The following NMNAT2 variants were observed in gnomAD, a reference collection of about 807,000 sequenced individuals.
NMNAT2 encodes nicotinamide/nicotinic acid mononucleotide adenylyltransferase 2.
In NMNAT2, 11 loss-of-function variants were observed where a neutral mutation model predicts 41.6. That is an observed-to-expected ratio of 0.26 (90% CI 0.17 to 0.44). The LOEUF (loss-of-function observed/expected upper bound fraction) is 0.44. Ranked by LOEUF, NMNAT2 falls within the 20% of genes least tolerant of loss-of-function variation. The probability of loss-of-function intolerance (pLI) is 1.00; values close to 1 mark genes in which losing one functional copy is unlikely to be tolerated. For synonymous variants in NMNAT2, 148 were observed against 151.2 expected (o/e 0.98, Z 0.16); for missense variants, 288 against 407.7 (o/e 0.71, Z 2.53).
chr1:183,259,693 G>A (rs996869465), intron 10 of NMNAT2, among the ~76,000 whole-genome samples: 10 of 152,148 alleles, frequency 6.6e-5, no homozygotes, highest in South Asian at 2.1e-4. Flanking sequence ...TCTGCCTCCC[G>A]GGTTCAAGCA....
Position 183,373,758 on chromosome 1 carries a change from C to T in NMNAT2, c.85+44425G>A, listed in dbSNP as rs145992898. 1.1e-4 allele frequency among the ~76,000 whole-genome samples: 16 copies of T among 152,080 alleles called. No individual in the cohort carries two copies. In the East Asian group the frequency reaches 2.9e-3, roughly 28 times the overall value. The stretch of plus-strand genomic sequence containing the variant: ...TCAGCCTCCAAAGTAGCTGGGACTA[C>T]AGGCACACGCAACCATGCCCGGCTA... On this transcript the variant is annotated intron_variant, in intron 1 of 10. Transcript: ENST00000287713.
intron 10 of NMNAT2, among the ~76,000 whole-genome samples, chr1:183,260,474 C>T (rs1276288591): frequency 1.0e-4 from 1 of 9,640 alleles, no homozygotes; most frequent in Non-Finnish European, 5.3e-3. Context: ...ACCCTGTTCT[C>T]CCCTTTAAAG....
At chr1:183,380,732 G>C (rs1663786579) in intron 1 of NMNAT2, among the ~76,000 whole-genome samples, 1 of 152,198 alleles carries the variant, frequency 6.6e-6, no homozygotes. Flanking sequence ...GTTAGAAAAG[G>C]AAATAGCTTG....
Position 183,316,265 on chromosome 1 carries a change from T to C in NMNAT2, c.86-22472A>G, listed in dbSNP as rs549760868. On this transcript the variant is annotated intron_variant, in intron 1 of 10. Transcript: ENST00000287713. ...AGGTCATGGAGAGCCATGCGAACAA[T>C]GAAGAGGGAAAGGGTGGCAGGGCTC... Among the ~76,000 whole-genome samples the C allele has an allele frequency of 5.9e-5, 9 of 152,198 alleles. No homozygotes were observed. In the South Asian group the frequency reaches 1.9e-3, roughly 32 times the overall value.
intron 1 of NMNAT2, among the ~76,000 whole-genome samples, chr1:183,319,597 T>A (rs1354146618): frequency 1.3e-5 from 2 of 152,190 alleles, no homozygotes; most frequent in African/African-American, 4.8e-5. Context: ...GACAGTGCCA[T>A]CCTTGGTTTC....
chr1:183,318,973 G>A (rs1382524442), intron 1 of NMNAT2, among the ~76,000 whole-genome samples: 1 of 152,180 alleles, frequency 6.6e-6, no homozygotes, highest in South Asian at 2.1e-4. Flanking sequence ...TGCTTATAAG[G>A]GCAGAAATGG....
At chr1:183,384,865 A>G (rs1648149734) in intron 1 of NMNAT2, among the ~76,000 whole-genome samples, 1 of 152,006 alleles carries the variant, frequency 6.6e-6, no homozygotes, top group Admixed American at 6.6e-5. Flanking sequence ...TGGGCAGGAT[A>G]TTGTATATAT....
intron 1 of NMNAT2, among the ~76,000 whole-genome samples, chr1:183,417,574 A>G (rs1431855521): frequency 6.6e-6 from 1 of 151,454 alleles, no homozygotes; most frequent in Non-Finnish European, 1.5e-5. Context: ...CTCCCTATTC[A>G]CTCAGCATCC....
At chr1:183,325,453 C>T (rs1055136355) in intron 1 of NMNAT2, among the ~76,000 whole-genome samples, 9 of 152,150 alleles carry the variant, frequency 5.9e-5, no homozygotes, top group South Asian at 4.1e-4. Flanking sequence ...TGAGAAGTGT[C>T]GTATTCTTTA....
chr1:183,328,854 C>T (rs1662521383), intron 1 of NMNAT2, among the ~76,000 whole-genome samples: 1 of 152,162 alleles, frequency 6.6e-6, no homozygotes, highest in Admixed American at 6.5e-5. Flanking sequence ...ACTATAAAAG[C>T]CAATAGAAAT....
At chr1:183,340,962 A>C (rs560972971) in intron 1 of NMNAT2, among the ~76,000 whole-genome samples, 7 of 152,346 alleles carry the variant, frequency 4.6e-5, no homozygotes, top group African/African-American at 1.4e-4. Context: ...GCATTATTTC[A>C]TTAGATCCTG....
At chr1:183,385,235 C>T (rs199691961) in intron 1 of NMNAT2, among the ~76,000 whole-genome samples, 3 of 151,782 alleles carry the variant, frequency 2.0e-5, no homozygotes, top group African/African-American at 4.8e-5. Context: ...ATAGATGCAA[C>T]AAAAACATTG....
intron 1 of NMNAT2, among the ~76,000 whole-genome samples, chr1:183,334,611 G>A (rs1007635218): frequency 6.6e-6 from 1 of 151,708 alleles, no homozygotes; most frequent in Non-Finnish European, 1.5e-5. Context: ...CCAGGTTCAA[G>A]CGATTCTCCT....
At chr1:183,416,101 C>T (rs1649243885) in intron 1 of NMNAT2, among the ~76,000 whole-genome samples, 1 of 152,216 alleles carries the variant, frequency 6.6e-6, no homozygotes, top group African/African-American at 2.4e-5. Flanking sequence ...TCCACATAGT[C>T]TATCCTTGAA....
intron 1 of NMNAT2, among the ~76,000 whole-genome samples, chr1:183,302,801 C>T (rs1201149670): frequency 6.6e-6 from 1 of 152,160 alleles, no homozygotes; most frequent in Non-Finnish European, 1.5e-5. Context: ...CATCTTTTGC[C>T]CCTGTTTCTC....
rs1571582035 is a variant in NMNAT2 at position 183,297,049 on chromosome 1, C to G, written c.86-3256G>C. Among the ~76,000 whole-genome samples the G allele has an allele frequency of 3.3e-5, 5 of 151,108 alleles. No homozygotes were observed. The Admixed American group carries it at 3.3e-4, about 10-fold the overall frequency. On this transcript the variant is annotated intron_variant, in intron 1 of 10. Transcript: ENST00000287713. ...AGAACTTCTTTACTCTCCCTGTCCTCCAAATAGTGCCTTCTAACTCTTCAC... is the reference window on the plus strand; with the variant it reads ...AGAACTTCTTTACTCTCCCTGTCCTGCAAATAGTGCCTTCTAACTCTTCAC...
chr1:183,385,559 A>C (rs1648211914), intron 1 of NMNAT2, among the ~76,000 whole-genome samples: 1 of 152,176 alleles, frequency 6.6e-6, no homozygotes. Context: ...GCACCATCAC[A>C]AAACCAAAGC....
At chr1:183,320,170 T>C (rs1397216138) in intron 1 of NMNAT2, among the ~76,000 whole-genome samples, 1 of 152,128 alleles carries the variant, frequency 6.6e-6, no homozygotes, top group African/African-American at 2.4e-5. Context: ...TTAGAGAGAA[T>C]TGTTAGGAAT....
intron 1 of NMNAT2, among the ~76,000 whole-genome samples, chr1:183,411,569 G>C (rs1649120183): frequency 6.6e-6 from 1 of 152,114 alleles, no homozygotes; most frequent in South Asian, 2.1e-4. Flanking sequence ...CTCCCAAATT[G>C]CTGGGATTAC....
Sources: gnomAD v4.1 joint callset for allele counts (sites outside exome capture counted in the v4.1 genomes callset) on GRCh38, gnomAD v4.1.1 for gene constraint, MANE v1.5 for transcripts, NCBI Gene and HGNC (gene_info 2026-07-23, HGNC 2026-07-21) for gene names.